Variants in MAD1L1 observed in about 807,000 individuals in gnomAD.
MAD1L1 encodes the protein mitotic spindle assembly checkpoint protein MAD1.
Under a neutral mutation model 96.9 loss-of-function variants are expected in MAD1L1, and 95 were observed. That is an observed-to-expected ratio of 0.98 (90% CI 0.83 to 1.16). The LOEUF (loss-of-function observed/expected upper bound fraction) is 1.16, where lower values mean the gene tolerates loss of function less well. Among genes scored for constraint, MAD1L1 ranks in the 50% most tolerant of loss-of-function variants. The probability of loss-of-function intolerance (pLI) is 0.00; values close to 1 mark genes in which losing one functional copy is unlikely to be tolerated. For missense variants in MAD1L1, 1,007 were observed against 954.4 expected, an observed-to-expected ratio of 1.06 and a Z score of -0.73; for synonymous variants, 473 against 396.6, an observed-to-expected ratio of 1.19 and a Z score of -2.29.
intron 12 of MAD1L1, among the ~76,000 whole-genome samples, chr7:2,040,526 C>G (rs544389971): frequency 1.3e-5 from 2 of 152,230 alleles, no homozygotes; most frequent in African/African-American, 4.8e-5. Flanking sequence ...GCGCTCCTGT[C>G]GCCTCCATTC....
chr7:2,011,799 G>A (rs1462778166), intron 13 of MAD1L1, among the ~76,000 whole-genome samples: 5 of 152,004 alleles, frequency 3.3e-5, no homozygotes, highest in South Asian at 4.1e-4. Flanking sequence ...GCCAGCAGCC[G>A]ATACCGTGGC....
chr7:2,219,571 G>A, intron 5 of MAD1L1, 115 bp from the exon 6 acceptor site: 3 of 1,152,188 alleles, frequency 2.6e-6, no homozygotes, highest in Non-Finnish European at 3.7e-6. Flanking sequence ...GCTATAATCA[G>A]GGCAGGAGGC....
intron 16 of MAD1L1, among the ~76,000 whole-genome samples, chr7:1,945,232 A>G (rs934646247): frequency 4.6e-5 from 7 of 152,236 alleles, no homozygotes; most frequent in African/African-American, 1.7e-4. Context: ...TCATCTCAGT[A>G]GGCGTCCTCC....
intron 11 of MAD1L1, among the ~76,000 whole-genome samples, chr7:2,086,550 T>G (rs1785928844): frequency 6.6e-6 from 1 of 152,104 alleles, no homozygotes; most frequent in Non-Finnish European, 1.5e-5. Context: ...CAATTGCTCT[T>G]TTTCTTTTTT....
At position 1,944,071 on chromosome 7, in the gene MAD1L1, AG is replaced by A. The variant is rs139201865; in HGVS notation, c.1597-7175del. On this transcript the variant is annotated intron_variant, in intron 16 of 18. Transcript: ENST00000265854. ...ACAAAGGCCACAGGACTCCCTTCCCAGGAAATGCTGGTAATGGGCCACGGGA... is the reference window on the plus strand; with the variant it reads ...ACAAAGGCCACAGGACTCCCTTCCCAGAAATGCTGGTAATGGGCCACGGGA... Among the ~76,000 whole-genome samples the A allele has an allele frequency of 5.3e-3, 804 of 152,210 alleles. 11 individuals are homozygous for A. The highest frequency in any genetic ancestry group is 0.019 in the African/African-American group (769 of 41,550).
At chr7:1,955,972 C>G (rs867610826) in intron 16 of MAD1L1, among the ~76,000 whole-genome samples, 18 of 65,454 alleles carry the variant, frequency 2.8e-4, no homozygotes, top group Middle Eastern at 0.016. Flanking sequence ...TGGATGAGGG[C>G]AAGTAAGGTG....
At chr7:2,051,907 C>T (rs1042711299) in intron 12 of MAD1L1, among the ~76,000 whole-genome samples, 1 of 152,020 alleles carries the variant, frequency 6.6e-6, no homozygotes, top group Non-Finnish European at 1.5e-5. Flanking sequence ...ACATGGGGTG[C>T]CAGAAACTGA....
chr7:1,919,867 A>G (rs961255810), intron 17 of MAD1L1, among the ~76,000 whole-genome samples: 1 of 152,230 alleles, frequency 6.6e-6, no homozygotes, highest in African/African-American at 2.4e-5. Flanking sequence ...TGATCAACAA[A>G]AAGAAACTGC....
intron 12 of MAD1L1, among the ~76,000 whole-genome samples, chr7:2,052,513 G>A (rs563406404): frequency 1.6e-4 from 24 of 152,146 alleles, no homozygotes; most frequent in Admixed American, 1.4e-3. Flanking sequence ...ACACTCACTG[G>A]GGCCCGGGCA....
At chr7:2,047,791 ACACT>A (rs1783991671) in intron 12 of MAD1L1, among the ~76,000 whole-genome samples, 1 of 152,210 alleles carries the variant, frequency 6.6e-6, no homozygotes, top group South Asian at 2.1e-4. Context: ...AGACACATGC[ACACT>A]CACACACGTG....
At chr7:2,028,643 G>C (rs918972932) in intron 12 of MAD1L1, among the ~76,000 whole-genome samples, 2 of 152,122 alleles carry the variant, frequency 1.3e-5, no homozygotes, top group East Asian at 3.9e-4. Context: ...CAGACAAGCA[G>C]AGAGGGCCAC....
intron 3 of MAD1L1, among the ~76,000 whole-genome samples, chr7:2,227,053 G>A (rs1793938568): frequency 6.6e-6 from 1 of 150,580 alleles, no homozygotes; most frequent in Non-Finnish European, 1.5e-5. Flanking sequence ...CAGCAGTTCG[G>A]GGGGCCAAGG....
chr7:2,016,074 T>C (rs1219105364), intron 12 of MAD1L1, among the ~76,000 whole-genome samples: 1 of 152,090 alleles, frequency 6.6e-6, no homozygotes, highest in East Asian at 1.9e-4. Context: ...GTTGATAAGA[T>C]GGGAAATGGG....
chr7:1,840,471 T>C (rs1318711672), intron 18 of MAD1L1, among the ~76,000 whole-genome samples: 2 of 152,202 alleles, frequency 1.3e-5, no homozygotes, highest in Non-Finnish European at 2.9e-5. Flanking sequence ...GGCTCACACC[T>C]GTAATCCCAG....
chr7:2,030,437 C>A (rs1783172381), intron 12 of MAD1L1, among the ~76,000 whole-genome samples: 1 of 152,208 alleles, frequency 6.6e-6, no homozygotes, highest in Admixed American at 6.5e-5. Flanking sequence ...AAAGTGTCAC[C>A]AAATGCATTT....
At chr7:2,184,447 A>G (rs545233861) in intron 10 of MAD1L1, among the ~76,000 whole-genome samples, 2 of 152,312 alleles carry the variant, frequency 1.3e-5, no homozygotes, top group African/African-American at 4.8e-5. Flanking sequence ...AATCTCATAC[A>G]TTCCAGGTAG....
At chr7:1,864,137 G>A (rs182726604) in intron 18 of MAD1L1, among the ~76,000 whole-genome samples, 4 of 152,332 alleles carry the variant, frequency 2.6e-5, no homozygotes, top group African/African-American at 7.2e-5. Context: ...AGGAATTCCC[G>A]CAGCCCGGTG....
At chr7:1,892,785 G>A (rs755228860) in intron 18 of MAD1L1, among the ~76,000 whole-genome samples, 1 of 152,190 alleles carries the variant, frequency 6.6e-6, no homozygotes, top group Non-Finnish European at 1.5e-5. Flanking sequence ...GCCGGGGAAG[G>A]CCCTGGACAG....
chr7:1,941,533 G>A (rs1583865535), intron 16 of MAD1L1, among the ~76,000 whole-genome samples: 1 of 152,278 alleles, frequency 6.6e-6, no homozygotes, highest in Non-Finnish European at 1.5e-5. Flanking sequence ...GCCCTGCACT[G>A]CTGGCCCCGC....
Sources: allele counts gnomAD v4.1 joint callset (sites outside exome capture counted in the v4.1 genomes callset), GRCh38; gene constraint gnomAD v4.1.1; transcripts MANE v1.5; gene names NCBI Gene and HGNC (gene_info 2026-07-23, HGNC 2026-07-21).